TMEM181: variants seen among roughly 807,000 people sequenced by gnomAD.
TMEM181 encodes G protein-coupled receptor 178.
In TMEM181, 39 loss-of-function variants were observed where a neutral mutation model predicts 71.9. That is an observed-to-expected ratio of 0.54 (90% confidence interval 0.42 to 0.71). The LOEUF is 0.71. TMEM181 is among the 30% of genes least tolerant of loss of function. The pLI, the probability that TMEM181 is intolerant of heterozygous loss-of-function variation, is 0.00. For missense variants in TMEM181, 595 were observed against 583.0 expected (o/e 1.02, Z -0.21); for synonymous variants, 245 against 228.8 (o/e 1.07, Z -0.64).
At chr6:158,622,093 C>G (rs976408138) in intron 10 of TMEM181, among the ~76,000 whole-genome samples, 8 of 152,220 alleles carry the variant, frequency 5.3e-5, no homozygotes, top group Admixed American at 4.6e-4. Flanking sequence ...CCACACTGTT[C>G]TGCCCTGCCT....
intron 1 of TMEM181, among the ~76,000 whole-genome samples, chr6:158,542,110 A>T (rs1396152861): frequency 2.6e-5 from 4 of 151,724 alleles, no homozygotes; most frequent in Non-Finnish European, 5.9e-5. Flanking sequence ...CTTCATCATG[A>T]TGCCCAGGCT....
At chr6:158,610,388 C>A in intron 10 of TMEM181, 1 of 282,258 alleles carries the variant, frequency 3.5e-6, no homozygotes. Flanking sequence ...AGAGATGCAA[C>A]CCTGAAATTC....
chr6:158,608,340 C>G lies in TMEM181; in HGVS notation c.681C>G (p.Phe227Leu), dbSNP rs757971672. The G allele has an allele frequency of 6.2e-7, 1 of 1,614,246 alleles. No individual in the cohort carries two copies. The highest frequency in any genetic ancestry group is 1.1e-5 in the South Asian group (1 of 91,082). ...LPLLLLYNDP[F>L]FPLSFLVNSW... ...CTGCCCTTTGTGTTCCAGATCCGTT[C>G]TTCCCCCTCTCCTTCCTGGTCAACA... Residue 227 changes from phenylalanine (F) to leucine (L), a missense_variant, in exon 9 of 17, where the codon TTC becomes TTG. Transcript: ENST00000684151.
At chr6:158,540,157 G>A (rs1304530310) in intron 1 of TMEM181, among the ~76,000 whole-genome samples, 1 of 152,158 alleles carries the variant, frequency 6.6e-6, no homozygotes, top group East Asian at 1.9e-4. Flanking sequence ...TTCTATGGCT[G>A]TCTCTAAAAG....
intron 1 of TMEM181, among the ~76,000 whole-genome samples, chr6:158,550,980 T>C (rs1434199410): frequency 6.6e-6 from 1 of 150,646 alleles, no homozygotes; most frequent in Admixed American, 6.6e-5. Flanking sequence ...TTTTTTTTTT[T>C]AGACAGAGTT....
intron 3 of TMEM181, among the ~76,000 whole-genome samples, chr6:158,583,072 G>A (rs9355665): frequency 0.98 from 149,081 of 152,112 alleles, 73,093 homozygotes; most frequent in East Asian, 1. Flanking sequence ...ATCTCTACTA[G>A]AAATAGAAAA....
intron 10 of TMEM181, among the ~76,000 whole-genome samples, chr6:158,614,393 T>C (rs1785493324): frequency 6.6e-6 from 1 of 152,258 alleles, no homozygotes; most frequent in Admixed American, 6.5e-5. Flanking sequence ...AAATCCTCTT[T>C]AAGAGAGAAA....
In TMEM181 at chr6:158,573,643, G is replaced by A. The variant is rs1783002179; in HGVS notation, c.112+120G>A. ...TGCTAAGGGCCCCAGCGTGGAGGGA[G>A]AAGTGTCCACAGGGTGGATGGGGTC... On this transcript the variant is annotated intron_variant, in intron 2 of 16. Coordinates refer to ENST00000684151, the MANE Select transcript of TMEM181 (RefSeq NM_001376852.1). 4.9e-6 allele frequency: 4 copies of A among 821,278 alleles called. No homozygotes were observed. The South Asian group carries it at 6.6e-5, about 14-fold the overall frequency. 50.9% of individuals were successfully genotyped at this position (821,278 alleles called of 1,614,324 possible).
chr6:158,609,239 A>G (rs949900421), intron 10 of TMEM181, among the ~76,000 whole-genome samples: 4 of 152,254 alleles, frequency 2.6e-5, no homozygotes, highest in Middle Eastern at 3.4e-3. Context: ...CCAGACCCCC[A>G]TTAACTATCT....
At chr6:158,607,157 C>T (rs1178910798) in intron 7 of TMEM181, 87 bp from the exon 8 acceptor site, 3 of 1,081,894 alleles carry the variant, frequency 2.8e-6, no homozygotes, top group Non-Finnish European at 4.3e-6. Context: ...TTAGAGAAGA[C>T]AACCTGGTAT....
chr6:158,606,742 A>G (rs1246200573), intron 7 of TMEM181, among the ~76,000 whole-genome samples: 1 of 152,200 alleles, frequency 6.6e-6, no homozygotes, highest in Non-Finnish European at 1.5e-5. Context: ...AGACTCCTAC[A>G]TTCTCTTGGC....
chr6:158,564,269 C>T (rs530228493), intron 1 of TMEM181, among the ~76,000 whole-genome samples: 319 of 152,308 alleles, frequency 2.1e-3, no homozygotes, highest in African/African-American at 7.4e-3. Flanking sequence ...CTTCTTTCTG[C>T]CCCGACCTCC....
chr6:158,554,587 TCA>T (rs372049112), intron 1 of TMEM181, among the ~76,000 whole-genome samples: 38 of 152,336 alleles, frequency 2.5e-4, no homozygotes, highest in East Asian at 1.7e-3. Flanking sequence ...TTGCTCAAAG[TCA>T]CAGTTTCCAA....
At chr6:158,598,828 C>G (rs565410872) in intron 6 of TMEM181, among the ~76,000 whole-genome samples, 21 of 152,190 alleles carry the variant, frequency 1.4e-4, no homozygotes, top group African/African-American at 3.6e-4. Flanking sequence ...CGCCCGCCAT[C>G]ACGCCCAGAT....
In TMEM181 at chr6:158,620,306, G is replaced by A. The variant is rs556868279; in HGVS notation, c.897-3244G>A. Among the ~76,000 whole-genome samples the A allele has an allele frequency of 5.9e-5, 9 of 152,212 alleles. No homozygotes were observed. The highest frequency in any genetic ancestry group is 3.4e-3 in the Middle Eastern group (1 of 294). ...CAGTTAAGCTGAGAAGAAACTGGGC[G>A]CCCCCAAGATGTCCTCTAGCTTAGT... On this transcript the variant is annotated intron_variant, in intron 10 of 16. Coordinates refer to ENST00000684151, the MANE Select transcript of TMEM181 (RefSeq NM_001376852.1). The surrounding 1 kb of genome is among the most constrained non-coding windows in gnomAD (Gnocchi z 4.5).
At chr6:158,605,173 G>C in intron 6 of TMEM181, 94 bp from the exon 7 acceptor site, 1 of 759,816 alleles carries the variant, frequency 1.3e-6, no homozygotes, top group Non-Finnish European at 2.2e-6. Context: ...TGTATATATT[G>C]TCTCATCTAG....
At chr6:158,572,475 G>A (rs1376042279) in intron 1 of TMEM181, 1 of 456,680 alleles carries the variant, frequency 2.2e-6, no homozygotes, top group East Asian at 7.0e-5. Flanking sequence ...TCTGGTCTGT[G>A]GGTCTCCTCC....
intron 13 of TMEM181, among the ~76,000 whole-genome samples, chr6:158,626,037 G>A (rs1268854636): frequency 2.6e-5 from 4 of 152,348 alleles, no homozygotes; most frequent in South Asian, 4.1e-4. Flanking sequence ...TGTGTGCAGC[G>A]TGCAGTCACC....
chr6:158,557,105 G>C (rs1395973353), upstream of TMEM181, among the ~76,000 whole-genome samples: 1 of 151,960 alleles, frequency 6.6e-6, no homozygotes, highest in African/African-American at 2.4e-5. Flanking sequence ...CTCCAAAGGC[G>C]GTGCACCTCC....
Sources: allele counts gnomAD v4.1 joint callset (sites outside exome capture counted in the v4.1 genomes callset), GRCh38; gene constraint gnomAD v4.1.1; non-coding constraint Gnocchi (gnomAD v3.1); transcripts MANE v1.5; gene names NCBI Gene and HGNC (gene_info 2026-07-23, HGNC 2026-07-21).